RASA3: variants seen among roughly 807,000 people sequenced by gnomAD.
RASA3 encodes the protein ras GTPase-activating protein 3.
Under a neutral mutation model 110.0 loss-of-function variants are expected in RASA3, and 73 were observed. The observed-to-expected ratio is 0.66, with a 90% confidence interval of 0.55 to 0.81. The LOEUF (loss-of-function observed/expected upper bound fraction) is 0.81, where lower values mean the gene tolerates loss of function less well. Ranked by LOEUF, RASA3 falls within the 30% of genes least tolerant of loss-of-function variation. RASA3 has a pLI of 0.00. For synonymous variants in RASA3, 500 were observed against 451.4 expected, an observed-to-expected ratio of 1.11 and a Z score of -1.37; for missense variants, 976 against 1,113.2, an observed-to-expected ratio of 0.88 and a Z score of 1.75.
intron 4 of RASA3, 110 bp downstream of exon 4, chr13:114,040,890 T>G: frequency 9.8e-7 from 1 of 1,015,452 alleles, no homozygotes; most frequent in South Asian, 1.4e-5. Flanking sequence ...TTATTCCCAG[T>G]CAAGGCCGAA....
At chr13:114,101,671 C>T (rs980321442) in intron 1 of RASA3, among the ~76,000 whole-genome samples, 29 of 152,204 alleles carry the variant, frequency 1.9e-4, no homozygotes, top group Admixed American at 1.2e-3. Flanking sequence ...ACACGAAACC[C>T]GAACAGCCCC....
rs2053734259 is a variant in RASA3, at chr13:114,014,056, GT to G, written c.1406-809del. 1.1e-5 allele frequency among the ~76,000 whole-genome samples: 1 copy of G among 92,196 alleles called. No individual in the cohort carries two copies. The highest frequency in any genetic ancestry group is 3.6e-5 in the African/African-American group (1 of 27,536). 60.5% of individuals were successfully genotyped at this position (92,196 alleles called of 152,430 possible). On this transcript the variant is annotated intron_variant, in intron 14 of 23. Coordinates refer to ENST00000334062, the MANE Select transcript of RASA3 (RefSeq NM_007368.4). This position sits in a 1 kb window ranked among gnomAD's most constrained non-coding sequence, Gnocchi z 4.5. ...TCCGTCTCTATCTCTCTCTCCGTCT[GT>G]CTCTGCCTCTCTCTCCGTCTGTCTC... is the stretch of plus-strand genomic sequence containing the variant.
rs1480828398 is a variant in RASA3 at position 114,110,119 on chromosome 13, T to A, written c.55+22316A>T. 2.0e-5 allele frequency among the ~76,000 whole-genome samples: 3 copies of A among 152,250 alleles called. No individual in the cohort carries two copies. In the East Asian group the frequency reaches 5.8e-4, roughly 29 times the overall value. On this transcript the variant is annotated intron_variant, in intron 1 of 23. Transcript: ENST00000334062. ...GGGTGGTTGGTAAAAGAAAAATTAT[T>A]CCTTCTATAACCAGAAAAAAATAGT...
At chr13:114,061,152 A>G (rs1172471814) in intron 2 of RASA3, among the ~76,000 whole-genome samples, 1 of 152,194 alleles carries the variant, frequency 6.6e-6, no homozygotes, top group African/African-American at 2.4e-5. Flanking sequence ...TTTCGAGGGA[A>G]TACCACAGAA....
At chr13:114,131,770 A>G (rs2080523487) in intron 1 of RASA3, among the ~76,000 whole-genome samples, 1 of 151,190 alleles carries the variant, frequency 6.6e-6, no homozygotes, top group Non-Finnish European at 1.5e-5. Flanking sequence ...ACAAATACAC[A>G]CGCGCGCACA....
At chr13:114,039,798 G>T (rs1227422305) in intron 4 of RASA3, among the ~76,000 whole-genome samples, 1 of 152,210 alleles carries the variant, frequency 6.6e-6, no homozygotes, top group African/African-American at 2.4e-5. Context: ...CCCAGCACTG[G>T]AGCCCCCGGT....
In RASA3 at chr13:114,100,813, C is replaced by T. The variant is rs977370060; in HGVS notation, c.56-26976G>A. On this transcript the variant is annotated intron_variant, in intron 1 of 23. Coordinates refer to ENST00000334062, the MANE Select transcript of RASA3 (RefSeq NM_007368.4). ...CAGGGACACCGGAAGCCGTGGAGCC[C>T]GGGCCCCATGCGTCTGTGTTCTCGC... Among the ~76,000 whole-genome samples, 6 of 152,330 alleles carry T rather than the reference C, an allele frequency of 3.9e-5. No homozygotes were observed. In the East Asian group the frequency reaches 5.8e-4, roughly 15 times the overall value.
Position 114,029,785 on chromosome 13 carries a change from C to T in RASA3, c.449+26G>A, listed in dbSNP as rs983203308. 16 of 1,575,776 alleles carry T rather than the reference C, an allele frequency of 1.0e-5. No individual in the cohort carries two copies. The African/African-American group carries it at 1.1e-4, about 11-fold the overall frequency. On this transcript the variant is annotated intron_variant, in intron 5 of 23. Coordinates refer to ENST00000334062, the MANE Select transcript of RASA3 (RefSeq NM_007368.4). ...CCAGACATGCCACTCGCTGTGCGCT[C>T]GGTCTCTAGTGAGGACGTGTCTTAC...
At chr13:114,059,642 G>A (rs868267989) in intron 2 of RASA3, among the ~76,000 whole-genome samples, 11 of 152,360 alleles carry the variant, frequency 7.2e-5, no homozygotes, top group Middle Eastern at 3.4e-3. Flanking sequence ...CCCCCAAAGC[G>A]GCCTCCCCAG....
chr13:113,999,744 T>A, intron 19 of RASA3, 77 bp from the exon 20 acceptor site: 1 of 916,540 alleles, frequency 1.1e-6, no homozygotes, highest in Non-Finnish European at 1.6e-6. Flanking sequence ...GAGGGGTCTC[T>A]GCCGGGGGGT....
In RASA3 at chr13:114,052,121, G is replaced by A. The variant is rs1475425616; in HGVS notation, c.208C>T (p.Pro70Ser). Residue 70 changes from proline to serine, a missense_variant, in exon 3 of 24, where the codon CCT (proline) becomes TCT (serine). Transcript: ENST00000334062. ...FYGEDFYCEI[P>S]RSFRHLSFYI... ...AAGGACAGGTGACGAAAGCTCCGAG[G>A]AATTTCACAGTAAAAGTCTTCTCCG... is the stretch of plus-strand genomic sequence containing the variant. 3 of 1,612,930 alleles carry A rather than the reference G, an allele frequency of 1.9e-6. No individual in the cohort carries two copies. The highest frequency in any genetic ancestry group is 3.3e-5 in the Admixed American group (2 of 59,986).
intron 3 of RASA3, among the ~76,000 whole-genome samples, chr13:114,044,903 A>G (rs1402243803): frequency 2.0e-5 from 3 of 152,160 alleles, no homozygotes; most frequent in Admixed American, 1.3e-4. Context: ...GTGGATAAAA[A>G]TCTTGTAACT....
At chr13:114,051,736 C>A (rs1402307193) in intron 3 of RASA3, among the ~76,000 whole-genome samples, 1 of 152,156 alleles carries the variant, frequency 6.6e-6, no homozygotes, top group East Asian at 1.9e-4. Flanking sequence ...AAAGGTCCCC[C>A]CACAGATGCC....
intron 5 of RASA3, 145 bp from the exon 6 acceptor site, chr13:114,028,072 A>G: frequency 3.0e-6 from 2 of 661,456 alleles, no homozygotes; most frequent in Admixed American, 2.8e-5. Flanking sequence ...CACACCAGCC[A>G]TTCTGCCTCG....
chr13:114,112,358 AG>A lies in RASA3; in HGVS notation c.55+20076del, dbSNP rs1160809273. Among the ~76,000 whole-genome samples, 1 of 152,162 alleles carries A rather than the reference AG, an allele frequency of 6.6e-6. No homozygotes were observed. The highest frequency in any genetic ancestry group is 2.4e-5 in the African/African-American group (1 of 41,442). ...GGGTGGAGGATTTCTACCACGAGAAAGTCAGGGCCCTCCCCGAAGGAGCAGA... is the reference window on the plus strand; with the variant it reads ...GGGTGGAGGATTTCTACCACGAGAAATCAGGGCCCTCCCCGAAGGAGCAGA... On this transcript the variant is annotated intron_variant, in intron 1 of 23. Coordinates refer to ENST00000334062, the MANE Select transcript of RASA3 (RefSeq NM_007368.4). This position sits in a 1 kb window ranked among gnomAD's most constrained non-coding sequence, Gnocchi z 4.8.
In RASA3 at chr13:114,109,700, G is replaced by A. The variant is rs2080189698; in HGVS notation, c.55+22735C>T. On this transcript the variant is annotated intron_variant, in intron 1 of 23. Coordinates refer to ENST00000334062, the MANE Select transcript of RASA3 (RefSeq NM_007368.4). ...ATCCTCCTTCTGCTCCATCCCGGCT[G>A]TGCACACCTGGAGACCAGGCCCTCG... Among the ~76,000 whole-genome samples, 3 of 152,296 alleles carry A rather than the reference G, an allele frequency of 2.0e-5. No individual in the cohort carries two copies. The South Asian group carries it at 6.2e-4, about 32-fold the overall frequency.
intron 2 of RASA3, among the ~76,000 whole-genome samples, chr13:114,060,133 C>T (rs1045601694): frequency 2.0e-5 from 3 of 152,110 alleles, no homozygotes; most frequent in Admixed American, 6.5e-5. Flanking sequence ...GCGAAGGCCT[C>T]GAGGCAGCAG....
In RASA3 at chr13:114,093,332, T is replaced by C. The variant is rs138743610; in HGVS notation, c.56-19495A>G. Among the ~76,000 whole-genome samples, 1,146 of 152,348 alleles carry C rather than the reference T, an allele frequency of 7.5e-3. 11 individuals carry two copies. Among genetic ancestry groups the C allele is most frequent in the Admixed American group, 0.013 (198 of 15,310 alleles). ...ATTTCTGAATGATAGCTTTGCTGGG[T>C]ACACTATTTTTAGTTGACAATTGTT... On this transcript the variant is annotated intron_variant, in intron 1 of 23. Transcript: ENST00000334062.
Position 114,112,104 on chromosome 13 carries a change from C to CCCA in RASA3, c.55+20330_55+20331insTGG, listed in dbSNP as rs371645001. 2.0e-5 allele frequency among the ~76,000 whole-genome samples: 3 copies of CCCA among 151,886 alleles called. No homozygotes were observed. Among genetic ancestry groups the CCCA allele is most frequent in the East Asian group, 1.9e-4 (1 of 5,192 alleles). On this transcript the variant is annotated intron_variant, in intron 1 of 23. Coordinates refer to ENST00000334062, the MANE Select transcript of RASA3 (RefSeq NM_007368.4). The surrounding 1 kb of genome is among the most constrained non-coding windows in gnomAD (Gnocchi z 4.8). The stretch of plus-strand genomic sequence containing the variant: ...GGAAACAGCAGCCCCCAGGCACCCC[C>CCCA]CCCAGCAACTGGGACAAGGGCACAC...
Sources: gnomAD v4.1 joint callset for allele counts (sites outside exome capture counted in the v4.1 genomes callset) on GRCh38, gnomAD v4.1.1 for gene constraint, Gnocchi (gnomAD v3.1) non-coding constraint, MANE v1.5 for transcripts, NCBI Gene and HGNC (gene_info 2026-07-23, HGNC 2026-07-21) for gene names.